Variants in PDE4B observed in about 807,000 individuals in gnomAD.
The protein encoded by PDE4B is 3',5'-cyclic-AMP phosphodiesterase 4B.
A neutral mutation model predicts 82.2 loss-of-function variants in PDE4B; 20 were observed. The observed-to-expected ratio is 0.24, with a 90% CI of 0.17 to 0.35. PDE4B has a LOEUF of 0.35. PDE4B is among the 10% of genes least tolerant of loss of function. The probability of loss-of-function intolerance (pLI) is 1.00; values close to 1 mark genes in which losing one functional copy is unlikely to be tolerated. For synonymous variants in PDE4B, 320 were observed against 318.9 expected, an observed-to-expected ratio of 1.00 and a Z score of -0.04; for missense variants, 655 against 907.2, an observed-to-expected ratio of 0.72 and a Z score of 3.57.
At chr1:65,913,432 G>C in intron 2 of PDE4B, 76 bp downstream of exon 2, 1 of 1,420,226 alleles carries the variant, frequency 7.0e-7, no homozygotes, top group South Asian at 1.2e-5. Flanking sequence ...TCAAAGGGCA[G>C]CTGGGGGCAT....
intron 1 of PDE4B, among the ~76,000 whole-genome samples, chr1:65,842,187 A>G (rs1380958624): frequency 6.6e-6 from 1 of 152,182 alleles, no homozygotes; most frequent in Non-Finnish European, 1.5e-5. Flanking sequence ...TGCCAGGCAT[A>G]TTTATTGAGT....
chr1:66,145,266 AGCAGGCTCTCCAGT>A (rs1646247098), intron 3 of PDE4B, among the ~76,000 whole-genome samples: 1 of 152,166 alleles, frequency 6.6e-6, no homozygotes. Context: ...ATAGGCAAGG[AGCAGGCTCTCCAGT>A]GCAGGCACCT....
chr1:66,276,330 AAGTT>A (rs1655879420), intron 7 of PDE4B, among the ~76,000 whole-genome samples: 1 of 152,240 alleles, frequency 6.6e-6, no homozygotes, highest in Admixed American at 6.5e-5. Context: ...CAAGACCACA[AAGTT>A]AGTGATAGAA....
intron 1 of PDE4B, among the ~76,000 whole-genome samples, chr1:65,834,852 A>T (rs1227970909): frequency 6.6e-6 from 1 of 152,212 alleles, no homozygotes; most frequent in African/African-American, 2.4e-5. Flanking sequence ...CCATGGTGTT[A>T]CATTGGTAGT....
At chr1:66,190,513 C>T (rs1027129050) in intron 3 of PDE4B, among the ~76,000 whole-genome samples, 1 of 152,216 alleles carries the variant, frequency 6.6e-6, no homozygotes, top group Non-Finnish European at 1.5e-5. Flanking sequence ...CTTTGTTTAC[C>T]TACTCAAGCC....
chr1:66,202,014 T>A (rs1010693980), intron 3 of PDE4B, among the ~76,000 whole-genome samples: 2 of 152,248 alleles, frequency 1.3e-5, no homozygotes, highest in African/African-American at 4.8e-5. Flanking sequence ...ACACACTGCT[T>A]TGAATGTGTC....
At chr1:66,097,421 T>C (rs1343500688) in intron 3 of PDE4B, among the ~76,000 whole-genome samples, 1 of 152,132 alleles carries the variant, frequency 6.6e-6, no homozygotes, top group Non-Finnish European at 1.5e-5. Context: ...GTGAAATGTG[T>C]CAATCAAATC....
chr1:66,277,483 C>T (rs1655968357), intron 7 of PDE4B, among the ~76,000 whole-genome samples: 1 of 152,166 alleles, frequency 6.6e-6, no homozygotes, highest in African/African-American at 2.4e-5. Context: ...ACAACCTCCA[C>T]CTTGTGGGTT....
chr1:66,271,551 T>C (rs561181077), intron 7 of PDE4B, among the ~76,000 whole-genome samples: 1 of 152,360 alleles, frequency 6.6e-6, no homozygotes, highest in African/African-American at 2.4e-5. Context: ...CAGGTTTTGC[T>C]ATAGCAGTAA....
chr1:66,291,492 A>G (rs1247370732), intron 7 of PDE4B, among the ~76,000 whole-genome samples: 1 of 152,210 alleles, frequency 6.6e-6, no homozygotes, highest in East Asian at 1.9e-4. Context: ...ATTTCCAACT[A>G]TATTTAGACC....
At chr1:65,882,639 T>G (rs1447178795) in intron 1 of PDE4B, among the ~76,000 whole-genome samples, 5 of 151,518 alleles carry the variant, frequency 3.3e-5, no homozygotes, top group Non-Finnish European at 7.4e-5. Context: ...AAAAAAGATT[T>G]TAAATAGAAT....
intron 4 of PDE4B, among the ~76,000 whole-genome samples, chr1:66,250,184 C>G (rs1172502880): frequency 3.9e-5 from 6 of 152,138 alleles, no homozygotes; most frequent in Admixed American, 3.3e-4. Context: ...CAGCAGCTCC[C>G]CACACTTCCC....
chr1:66,215,776 T>A (rs1183801860), intron 3 of PDE4B, among the ~76,000 whole-genome samples: 1 of 152,110 alleles, frequency 6.6e-6, no homozygotes, highest in Non-Finnish European at 1.5e-5. Flanking sequence ...AGTATATCTC[T>A]GCCTCCCCTA....
chr1:65,955,873 C>T (rs1569809415), intron 3 of PDE4B, among the ~76,000 whole-genome samples: 2 of 152,110 alleles, frequency 1.3e-5, no homozygotes, highest in Non-Finnish European at 2.9e-5. Flanking sequence ...CCTAAGAGAG[C>T]GCCTGGAATA....
At chr1:65,978,381 A>G (rs1650520411) in intron 3 of PDE4B, among the ~76,000 whole-genome samples, 1 of 152,098 alleles carries the variant, frequency 6.6e-6, no homozygotes, top group Non-Finnish European at 1.5e-5. Context: ...AATTGCCCTG[A>G]AGAATACTTG....
At chr1:65,801,154 C>A (rs1349331560) in intron 1 of PDE4B, among the ~76,000 whole-genome samples, 1 of 152,150 alleles carries the variant, frequency 6.6e-6, no homozygotes, top group Non-Finnish European at 1.5e-5. Context: ...CTCCATAGAG[C>A]ATGGATGATC....
intron 4 of PDE4B, among the ~76,000 whole-genome samples, chr1:66,250,403 A>T (rs551107710): frequency 6.6e-6 from 1 of 152,250 alleles, no homozygotes; most frequent in African/African-American, 2.4e-5. Flanking sequence ...AATAAAGGAA[A>T]CACTAGCTTT....
At chr1:65,938,822 G>A (rs1229320048) in intron 3 of PDE4B, among the ~76,000 whole-genome samples, 2 of 152,110 alleles carry the variant, frequency 1.3e-5, no homozygotes, top group African/African-American at 4.8e-5. Context: ...ATTTGAAAGG[G>A]CCTTAAAGGC....
chr1:66,077,332 G>T (rs13376067), intron 3 of PDE4B, among the ~76,000 whole-genome samples: 35,111 of 152,054 alleles, frequency 0.23, 4,715 homozygotes, highest in Middle Eastern at 0.37. Context: ...TCTGGCACTA[G>T]TGTAAACATT....
Sources: allele counts gnomAD v4.1 joint callset (sites outside exome capture counted in the v4.1 genomes callset), GRCh38; gene constraint gnomAD v4.1.1; transcripts MANE v1.5; gene names NCBI Gene and HGNC (gene_info 2026-07-23, HGNC 2026-07-21).